Variants in RNF17 observed in about 807,000 individuals in gnomAD.
RNF17 encodes the protein spermatogenesis associated 23.
RNF17 carries 31 observed loss-of-function variants against 200.5 expected under a neutral mutation model. The observed-to-expected ratio is 0.15, with a 90% CI of 0.12 to 0.21. RNF17 has a LOEUF of 0.21. Ranked by LOEUF, RNF17 falls within the 10% of genes least tolerant of loss-of-function variation. RNF17 has a pLI of 1.00. For synonymous variants in RNF17, 606 were observed against 637.8 expected (o/e 0.95, Z 0.75); for missense variants, 1,628 against 1,905.1 (o/e 0.85, Z 2.71).
At chr13:24,807,270 G>GTA (rs1284057960) in intron 15 of RNF17, among the ~76,000 whole-genome samples, 1 of 151,712 alleles carries the variant, frequency 6.6e-6, no homozygotes, top group Non-Finnish European at 1.5e-5. Context: ...CACCAACAGT[G>GTA]TAAAAGTGTT....
At chr13:24,769,648 A>C (rs1880369927) in intron 2 of RNF17, among the ~76,000 whole-genome samples, 1 of 152,234 alleles carries the variant, frequency 6.6e-6, no homozygotes, top group Non-Finnish European at 1.5e-5. Context: ...AATTTATGGA[A>C]TATTTGAGGA....
intron 5 of RNF17, among the ~76,000 whole-genome samples, chr13:24,781,198 T>A (rs1253336704): frequency 6.6e-6 from 1 of 152,068 alleles, no homozygotes; most frequent in African/African-American, 2.4e-5. Flanking sequence ...TTCTACGGTT[T>A]TTTTTTTAAT....
chr13:24,785,568 A>T (rs1453406267), intron 6 of RNF17, among the ~76,000 whole-genome samples: 2 of 152,098 alleles, frequency 1.3e-5, no homozygotes, highest in African/African-American at 4.8e-5. Context: ...GTTTATCCTC[A>T]TGTTGTTGGG....
intron 15 of RNF17, among the ~76,000 whole-genome samples, chr13:24,805,471 G>A (rs796720158): frequency 3.3e-5 from 5 of 152,146 alleles, no homozygotes; most frequent in African/African-American, 1.2e-4. Context: ...TTTGTATCTG[G>A]CTTCTTTCAC....
the RNF17 span, among the ~76,000 whole-genome samples, chr13:24,887,390 A>T: frequency 6.6e-6 from 1 of 152,178 alleles, no homozygotes; most frequent in African/African-American, 2.4e-5. Context: ...CTTCATCTGT[A>T]TTTACAGCAG....
intron 15 of RNF17, among the ~76,000 whole-genome samples, chr13:24,811,713 G>T (rs951923699): frequency 1.0e-4 from 15 of 150,100 alleles, no homozygotes; most frequent in African/African-American, 3.6e-4. Context: ...AGGAGGAGAG[G>T]CGCTCTGCTT....
Position 24,802,580 on chromosome 13 carries a change from CTT to C in RNF17, c.1949+10_1949+11del, listed in dbSNP as rs1204976286. The C allele has an allele frequency of 5.7e-6, 9 of 1,580,616 alleles. No homozygotes were observed. The highest frequency in any genetic ancestry group is 7.7e-6 in the Non-Finnish European group (9 of 1,164,314). On this transcript the variant is annotated intron_variant, in intron 14 of 35. Transcript: ENST00000255324. Reference sequence around the variant, plus strand: ...TTTATGGAACTAGCAAAGTAAGTAACTTATTAAAACTTAAATATTCTTTGAGA... The same window carrying C: ...TTTATGGAACTAGCAAAGTAAGTAACATTAAAACTTAAATATTCTTTGAGA...
Position 24,770,212 on chromosome 13 carries a change from A to G in RNF17, c.225+2846A>G, listed in dbSNP as rs1480046262. Among the ~76,000 whole-genome samples the G allele has an allele frequency of 3.9e-5, 6 of 152,194 alleles. No individual in the cohort carries two copies. In the South Asian group the frequency reaches 1.0e-3, roughly 26 times the overall value. On this transcript the variant is annotated intron_variant, in intron 2 of 35. Coordinates refer to ENST00000255324, the MANE Select transcript of RNF17 (RefSeq NM_031277.3). ...CTTGGATAGGAAAGCATTGATAAGC[A>G]TATCAAATAGAAATCAGAAACTACA...
At chr13:24,879,376 A>G in intron 35 of RNF17, 81 bp downstream of exon 35, 3 of 859,326 alleles carry the variant, frequency 3.5e-6, no homozygotes, top group Non-Finnish European at 5.6e-6. Context: ...GCACCCGTGG[A>G]TTTTCCTTGA....
intron 6 of RNF17, among the ~76,000 whole-genome samples, chr13:24,785,889 C>G (rs1035250521): frequency 1.3e-5 from 2 of 152,164 alleles, no homozygotes; most frequent in Admixed American, 6.5e-5. Flanking sequence ...TCCATCCTTT[C>G]ATTTTCAACC....
intron 22 of RNF17, among the ~76,000 whole-genome samples, chr13:24,845,931 G>A (rs7317232): frequency 0.02 from 3,055 of 152,182 alleles, 104 homozygotes; most frequent in African/African-American, 0.07. Flanking sequence ...AGATCCAGAT[G>A]AAAGGAGGGG....
Position 24,802,413 on chromosome 13 carries a change from A to G in RNF17, c.1791A>G (p.Glu597=). The G allele has an allele frequency of 1.9e-6, 3 of 1,613,260 alleles. No individual in the cohort carries two copies. The highest frequency in any genetic ancestry group is 2.5e-6 in the Non-Finnish European group (3 of 1,179,742). ...NEGWEEEAKV[E]FLKMVNNKAV... ...GCTGGGAAGAGGAAGCTAAAGTGGA[A>G]TTTTTGAAAATGGTAAATAACAAGG... Residue 597 remains glutamate (E), a synonymous_variant, in exon 14 of 36, where the codon GAA becomes GAG. Coordinates refer to ENST00000255324, the MANE Select transcript of RNF17 (RefSeq NM_031277.3).
At chr13:24,816,093 T>A (rs1887375494) in intron 15 of RNF17, among the ~76,000 whole-genome samples, 1 of 152,050 alleles carries the variant, frequency 6.6e-6, no homozygotes, top group African/African-American at 2.4e-5. Context: ...AGAAATGAGG[T>A]CTCACTATGT....
At position 24,796,246 on chromosome 13, in the gene RNF17, A is replaced by G; in HGVS notation, c.1350A>G (p.Glu450=). ...AAGTACTGGAGAAGAAGGTGAATGA[A>G]TTTTGCAATAGGAGTTCACACCTTG... ...DAKVLEKKVN[E]FCNRSSHLDP... Residue 450 remains glutamate, a synonymous_variant, in exon 11 of 36, where the codon GAA becomes GAG. Coordinates refer to ENST00000255324, the MANE Select transcript of RNF17 (RefSeq NM_031277.3). 6.2e-7 allele frequency: 1 copy of G among 1,612,488 alleles called. No homozygotes were observed.
chr13:24,858,953 G>T, intron 25 of RNF17, 48 bp from the exon 26 acceptor site: 3 of 1,189,318 alleles, frequency 2.5e-6, no homozygotes, highest in South Asian at 1.5e-5. Context: ...ATTGACAAAT[G>T]ATAGGGAATT....
Position 24,826,505 on chromosome 13 carries a change from G to A in RNF17, c.2245+733G>A, listed in dbSNP as rs865809447. On this transcript the variant is annotated intron_variant, in intron 16 of 35. Coordinates refer to ENST00000255324, the MANE Select transcript of RNF17 (RefSeq NM_031277.3). ...GAAAGAGTAAAAAGCCAGTGTGGTG[G>A]CTCATGCCTGTAAATCCCAGTACTT... 2.6e-5 allele frequency among the ~76,000 whole-genome samples: 4 copies of A among 152,338 alleles called. No homozygotes were observed. The South Asian group carries it at 8.3e-4, about 32-fold the overall frequency.
chr13:24,885,252 A>C, the RNF17 span: 6 of 1,431,538 alleles, frequency 4.2e-6, no homozygotes, highest in East Asian at 1.4e-4. Context: ...TATAGAATTC[A>C]TTATTTCAAA....
chr13:24,885,777 T>C, the RNF17 span: 4 of 803,172 alleles, frequency 5.0e-6, no homozygotes, highest in Middle Eastern at 3.5e-4. Flanking sequence ...CTGTCCTTTA[T>C]CCATTAGTTA....
intron 16 of RNF17, among the ~76,000 whole-genome samples, chr13:24,827,579 G>A (rs1035079716): frequency 6.6e-6 from 1 of 150,818 alleles, no homozygotes. Flanking sequence ...GCGGGCGCCT[G>A]TAGTCCCAGC....
Sources: allele counts gnomAD v4.1 joint callset (sites outside exome capture counted in the v4.1 genomes callset), GRCh38; gene constraint gnomAD v4.1.1; transcripts MANE v1.5; gene names NCBI Gene and HGNC (gene_info 2026-07-23, HGNC 2026-07-21).